Variants in MTUS2 observed in about 807,000 individuals in gnomAD.
MTUS2 encodes microtubule-associated tumor suppressor candidate 2.
Under a neutral mutation model 114.1 loss-of-function variants are expected in MTUS2, and 40 were observed. The ratio of observed to expected loss-of-function variants is 0.35; its 90% CI spans 0.27 to 0.46. The LOEUF is 0.46. Among genes scored for constraint, MTUS2 ranks in the 20% least tolerant of loss-of-function variants. MTUS2 has a pLI of 1.00. For synonymous variants in MTUS2, 688 were observed against 672.0 expected (o/e 1.02, Z -0.37); for missense variants, 1,679 against 1,705.4 (o/e 0.98, Z 0.27).
intron 7 of MTUS2, among the ~76,000 whole-genome samples, chr13:29,345,856 G>T (rs1250670990): frequency 2.6e-5 from 4 of 152,040 alleles, no homozygotes; most frequent in African/African-American, 9.7e-5. Context: ...CTCCCTTGAT[G>T]TGGTGTTCTC....
chr13:29,099,085 A>G (rs1947123189), intron 4 of MTUS2, among the ~76,000 whole-genome samples: 1 of 152,184 alleles, frequency 6.6e-6, no homozygotes, highest in Admixed American at 6.5e-5. Flanking sequence ...ATATAGGGAT[A>G]TTTTCACTGT....
At chr13:29,165,759 A>G (rs944089985) in intron 5 of MTUS2, among the ~76,000 whole-genome samples, 1 of 152,228 alleles carries the variant, frequency 6.6e-6, no homozygotes, top group Non-Finnish European at 1.5e-5. Flanking sequence ...TCTGAGTGGA[A>G]GGGAAATGTT....
intron 2 of MTUS2, among the ~76,000 whole-genome samples, chr13:28,910,266 G>T (rs1220056622): frequency 1.3e-5 from 2 of 152,064 alleles, no homozygotes; most frequent in African/African-American, 2.4e-5. Context: ...CCACAAATAA[G>T]CGAGAACATG....
At chr13:28,832,869 G>T (rs1049767165) in intron 1 of MTUS2, among the ~76,000 whole-genome samples, 6 of 151,602 alleles carry the variant, frequency 4.0e-5, no homozygotes, top group African/African-American at 1.2e-4. Flanking sequence ...AGAAGAATCA[G>T]TTATTAAAAT....
chr13:29,318,106 A>G (rs1900086979), intron 6 of MTUS2, among the ~76,000 whole-genome samples: 1 of 152,192 alleles, frequency 6.6e-6, no homozygotes, highest in Non-Finnish European at 1.5e-5. Context: ...AAGTGGAGGG[A>G]AAACTTCAGA....
chr13:28,874,906 G>A (rs1172226039), intron 2 of MTUS2, among the ~76,000 whole-genome samples: 1 of 152,092 alleles, frequency 6.6e-6, no homozygotes, highest in African/African-American at 2.4e-5. Context: ...TCTTGATTTG[G>A]TATCAATTAT....
chr13:29,454,633 T>G (rs1194462743), intron 9 of MTUS2, among the ~76,000 whole-genome samples: 2 of 151,998 alleles, frequency 1.3e-5, no homozygotes, highest in Admixed American at 1.3e-4. Context: ...CAGGAATCAG[T>G]GAACAAATGA....
At chr13:28,915,536 C>T (rs2138030955) in intron 2 of MTUS2, among the ~76,000 whole-genome samples, 1 of 151,966 alleles carries the variant, frequency 6.6e-6, no homozygotes, top group East Asian at 1.9e-4. Flanking sequence ...ATTTGCATTT[C>T]TCTGATGATC....
chr13:29,280,565 T>C (rs1380402217), intron 5 of MTUS2, among the ~76,000 whole-genome samples: 1 of 151,488 alleles, frequency 6.6e-6, no homozygotes, highest in African/African-American at 2.5e-5. Context: ...TTTAATAATA[T>C]TATCATTTTT....
chr13:28,880,037 A>G (rs1878196882), intron 2 of MTUS2, among the ~76,000 whole-genome samples: 1 of 152,018 alleles, frequency 6.6e-6, no homozygotes, highest in Non-Finnish European at 1.5e-5. Context: ...CTACTGAAAT[A>G]CTCCATTCAC....
rs752613837 is a variant in MTUS2 at position 29,359,489 on chromosome 13, G to T, written c.3117+16G>T. 23 of 1,600,456 alleles carry T rather than the reference G, an allele frequency of 1.4e-5. No individual in the cohort carries two copies. Among genetic ancestry groups the T allele is most frequent in the Admixed American group, 3.4e-5 (2 of 58,124 alleles). ...CTTTAGAAAGGTGAGGCCCCATTTC[G>T]TGAAGGTCCAAGGGCATTTTGGTTG... On this transcript the variant is annotated intron_variant, in intron 8 of 15. Coordinates refer to ENST00000612955, the MANE Select transcript of MTUS2 (RefSeq NM_001033602.4).
At chr13:29,207,332 T>G (rs939569253) in intron 5 of MTUS2, among the ~76,000 whole-genome samples, 3 of 152,186 alleles carry the variant, frequency 2.0e-5, no homozygotes, top group African/African-American at 7.2e-5. Flanking sequence ...AGGATGAGGC[T>G]TTAGGGTTTC....
At chr13:28,943,035 C>T (rs1365245258) in intron 2 of MTUS2, among the ~76,000 whole-genome samples, 1 of 151,972 alleles carries the variant, frequency 6.6e-6, no homozygotes, top group Non-Finnish European at 1.5e-5. Context: ...AGCTTGAAAA[C>T]ATAGTTAAAA....
At chr13:29,076,954 G>T (rs753070746) in intron 4 of MTUS2, among the ~76,000 whole-genome samples, 1 of 152,110 alleles carries the variant, frequency 6.6e-6, no homozygotes, top group Non-Finnish European at 1.5e-5. Context: ...TATATGTTAG[G>T]CAATATGATA....
At chr13:28,836,786 G>A (rs1875114001) in intron 1 of MTUS2, among the ~76,000 whole-genome samples, 1 of 152,170 alleles carries the variant, frequency 6.6e-6, no homozygotes, top group Non-Finnish European at 1.5e-5. Flanking sequence ...GGTTGAAAGG[G>A]TGGTGTGGCT....
At chr13:29,042,867 G>A (rs1333258207) in intron 4 of MTUS2, among the ~76,000 whole-genome samples, 1 of 151,736 alleles carries the variant, frequency 6.6e-6, no homozygotes, top group East Asian at 1.9e-4. Context: ...TCTTTTCTTG[G>A]CTAATCTTGC....
intron 2 of MTUS2, among the ~76,000 whole-genome samples, chr13:28,895,945 G>A (rs1186448366): frequency 1.3e-5 from 2 of 152,134 alleles, no homozygotes; most frequent in Non-Finnish European, 1.5e-5. Flanking sequence ...TGTGGTGTGG[G>A]AACATTTTTT....
intron 8 of MTUS2, among the ~76,000 whole-genome samples, chr13:29,414,219 A>G (rs1875474057): frequency 2.0e-5 from 1 of 49,956 alleles, no homozygotes; most frequent in Non-Finnish European, 3.8e-5. Context: ...AAAACCAAAC[A>G]CCGCATATTC....
intron 5 of MTUS2, among the ~76,000 whole-genome samples, chr13:29,215,545 T>G (rs1419544254): frequency 1.3e-5 from 2 of 151,180 alleles, no homozygotes; most frequent in Non-Finnish European, 2.9e-5. Flanking sequence ...CTCATGACCT[T>G]TAGATGGGGT....
Sources: allele counts gnomAD v4.1 joint callset (sites outside exome capture counted in the v4.1 genomes callset), GRCh38; gene constraint gnomAD v4.1.1; transcripts MANE v1.5; gene names NCBI Gene and HGNC (gene_info 2026-07-23, HGNC 2026-07-21).